WRN: variants seen among roughly 807,000 people sequenced by gnomAD.
WRN encodes the protein WRN RecQ like helicase, also known as bifunctional 3'-5' exonuclease/ATP-dependent helicase WRN.
In WRN, 149 loss-of-function variants were observed where a neutral mutation model predicts 180.7. The observed-to-expected ratio is 0.82, with a 90% CI of 0.72 to 0.94. The LOEUF (loss-of-function observed/expected upper bound fraction) is 0.94. WRN is among the 40% of genes least tolerant of loss of function. The pLI is 0.00. For missense variants in WRN, 1,661 were observed against 1,700.1 expected (o/e 0.98, Z 0.40); for synonymous variants, 548 against 568.9 (o/e 0.96, Z 0.52).
chr8:31,079,892 T>G (rs562310568), intron 8 of WRN, among the ~76,000 whole-genome samples: 39 of 152,236 alleles, frequency 2.6e-4, no homozygotes, highest in Non-Finnish European at 5.0e-4. Context: ...TTTTTTTTTT[T>G]GAAACAGAGT....
rs749180567 is a variant in WRN, at chr8:31,124,525, CCTT to C, written c.2638_2640del (p.Leu880del). On this transcript the variant is annotated inframe_deletion, in exon 22 of 35. Coordinates refer to ENST00000298139, the MANE Select transcript of WRN (RefSeq NM_000553.6). Reference sequence around the variant, plus strand: ...CTGTGATGTTTTTAATCGACAGGCACCTTCTTACTGAGATACGTAATGAGAAGT... The same window carrying C: ...CTGTGATGTTTTTAATCGACAGGCACCTTACTGAGATACGTAATGAGAAGT... The C allele has an allele frequency of 1.1e-5, 17 of 1,610,998 alleles. No homozygotes were observed. Among genetic ancestry groups the C allele is most frequent in the Middle Eastern group, 3.3e-4 (2 of 6,034 alleles).
At position 31,124,576 on chromosome 8, in the gene WRN, G is replaced by C. The variant is rs1801846868; in HGVS notation, c.2685G>C (p.Met895Ile). The C allele has an allele frequency of 6.2e-7, 1 of 1,612,844 alleles. No homozygotes were observed. Among genetic ancestry groups the C allele is most frequent in the Non-Finnish European group, 8.5e-7 (1 of 1,179,188 alleles). ...AGTTTCGATTATACAAATTAAAGAT[G>C]ATGGCAAAGATGGAAAAATATCTTC... ...NEKFRLYKLK[M>I]MAKMEKYLHS... is the part of the protein sequence containing the mutation. Residue 895 changes from methionine to isoleucine, a missense_variant, in exon 22 of 35, where the codon ATG (methionine) becomes ATC (isoleucine). This residue lies in a region of WRN where 1,141 missense variants were observed against 1,149.4 expected (regional missense o/e 0.99). Transcript: ENST00000298139.
intron 12 of WRN, 95 bp from the exon 13 acceptor site, chr8:31,088,795 T>G: frequency 1.9e-6 from 2 of 1,029,358 alleles, no homozygotes; most frequent in Non-Finnish European, 2.9e-6. Flanking sequence ...GCTGTCACTG[T>G]ATTCTTTCAA....
At chr8:31,135,351 G>C (rs1802358915) in intron 24 of WRN, among the ~76,000 whole-genome samples, 1 of 152,056 alleles carries the variant, frequency 6.6e-6, no homozygotes, top group Non-Finnish European at 1.5e-5. Context: ...GCCAGGCTGA[G>C]TTTAAAATTT....
At chr8:31,068,208 T>C (rs1421061014) in intron 6 of WRN, 50 bp from the exon 7 acceptor site, 4 of 1,386,440 alleles carry the variant, frequency 2.9e-6, no homozygotes, top group South Asian at 1.2e-5. Flanking sequence ...CTTACTGTTT[T>C]ATTTCGGTGA....
intron 13 of WRN, among the ~76,000 whole-genome samples, chr8:31,089,791 A>G (rs1164502884): frequency 6.6e-6 from 1 of 151,974 alleles, no homozygotes; most frequent in East Asian, 1.9e-4. Context: ...GCATGTCTGT[A>G]TTCCCACCAC....
chr8:31,116,450 C>T lies in WRN; in HGVS notation c.2370C>T (p.Ser790=), dbSNP rs753030891. The T allele has an allele frequency of 6.2e-7, 1 of 1,614,000 alleles. No homozygotes were observed. Among genetic ancestry groups the T allele is most frequent in the South Asian group, 1.1e-5 (1 of 91,070 alleles). Residue 790 remains serine (S), a synonymous_variant, in exon 20 of 35, where the codon TCC becomes TCT. Coordinates refer to ENST00000298139, the MANE Select transcript of WRN (RefSeq NM_000553.6). ...VTGELRKLNL[S]CGTYHAGMSF... ...GTGAACTTAGGAAACTGAATCTATC[C>T]TGTGGAACATACCATGCGGGCATGA...
intron 14 of WRN, 115 bp downstream of exon 14, chr8:31,090,647 A>G: frequency 8.4e-7 from 1 of 1,195,896 alleles, no homozygotes; most frequent in Non-Finnish European, 1.2e-6. Flanking sequence ...AATGATGTAA[A>G]CTATAGAAGA....
chr8:31,150,347 T>A lies in WRN; in HGVS notation c.3579T>A (p.Thr1193=). The change falls in exon 31 of 35, where the codon ACT becomes ACA. Residue 1193 remains threonine, a synonymous_variant. Coordinates refer to ENST00000298139, the MANE Select transcript of WRN (RefSeq NM_000553.6). ...ILVDMAKMRP[T]TVENVKRIDG... The stretch of plus-strand genomic sequence containing the variant: ...TTGTTGTTGTTAAACACAGACCAAC[T>A]ACGGTTGAAAACGTAAAAAGGATTG... 6.2e-7 allele frequency: 1 copy of A among 1,614,070 alleles called. No homozygotes were observed. Among genetic ancestry groups the A allele is most frequent in the Non-Finnish European group, 8.5e-7 (1 of 1,179,922 alleles).
chr8:31,048,608 T>A (rs1481409501), intron 1 of WRN, among the ~76,000 whole-genome samples: 1 of 152,186 alleles, frequency 6.6e-6, no homozygotes, highest in Non-Finnish European at 1.5e-5. Flanking sequence ...AGGTTACATT[T>A]TCAGAAAATA....
At chr8:31,043,753 A>G (rs770354969) in intron 1 of WRN, among the ~76,000 whole-genome samples, 1 of 152,144 alleles carries the variant, frequency 6.6e-6, no homozygotes, top group Non-Finnish European at 1.5e-5. Context: ...TTACTGAGAA[A>G]CAAACTATCG....
intron 29 of WRN, 30 bp from the exon 30 acceptor site, chr8:31,147,334 A>G: frequency 6.3e-7 from 1 of 1,596,390 alleles, no homozygotes. Flanking sequence ...GTACACTTTA[A>G]AAAGTGTTGT....
Position 31,132,476 on chromosome 8 carries a change from T to G in WRN, c.2937T>G (p.Ile979Met), listed in dbSNP as rs147802438. 3.0e-4 allele frequency: 479 copies of G among 1,614,188 alleles called. 3 individuals are homozygous for G. In the African/African-American group the frequency reaches 5.4e-3, roughly 18 times the overall value. ...ACATCTTAGGCGAAAAATTTGGAATTGGGCTTCCAATTTTATTTCTCCGAG... is the reference window on the plus strand; with the variant it reads ...ACATCTTAGGCGAAAAATTTGGAATGGGGCTTCCAATTTTATTTCTCCGAG... ...AVDILGEKFG[I>M]GLPILFLRGS... Residue 979 changes from isoleucine (I) to methionine (M), a missense_variant, in exon 24 of 35, where the codon ATT (isoleucine) becomes ATG (methionine). Ile to Met is a conservative substitution (Grantham distance 10, BLOSUM62 1). Around this residue, in one of 3 missense-constraint regions of WRN, gnomAD observed 1,141 missense variants for 1,149.4 expected, o/e 0.99. Coordinates refer to ENST00000298139, the MANE Select transcript of WRN (RefSeq NM_000553.6).
chr8:31,087,548 T>G, intron 11 of WRN: 3 of 475,306 alleles, frequency 6.3e-6, no homozygotes, highest in Non-Finnish European at 7.7e-6. Flanking sequence ...ATGCTATTAA[T>G]GAGCCTTGTT....
At position 31,088,828 on chromosome 8, in the gene WRN, T is replaced by C; in HGVS notation, c.1577-62T>C. 2.2e-6 allele frequency: 3 copies of C among 1,369,372 alleles called. 1 individual carries two copies. The South Asian group carries it at 3.7e-5, about 17-fold the overall frequency. The allele number at this position is 1,369,372 out of a possible 1,614,324, so 84.8% of individuals were successfully genotyped here. A position where few individuals can be genotyped will look rare whatever the true frequency, so the allele number is the denominator to read the frequency against. On this transcript the variant is annotated intron_variant, in intron 12 of 34. Coordinates refer to ENST00000298139, the MANE Select transcript of WRN (RefSeq NM_000553.6). Reference sequence around the variant, plus strand: ...CAAAGAAGCCAATGAAATAAACTGTTTTCTCCCTCTATGTGGTGTTTTTCT... The same window carrying C: ...CAAAGAAGCCAATGAAATAAACTGTCTTCTCCCTCTATGTGGTGTTTTTCT...
intron 1 of WRN, among the ~76,000 whole-genome samples, chr8:31,036,615 G>A (rs570427855): frequency 7.4e-4 from 112 of 152,240 alleles, no homozygotes; most frequent in Non-Finnish European, 1.3e-3. Context: ...GATGAGCAAT[G>A]TTTCATATAC....
At chr8:31,102,732 A>G (rs984943685) in intron 18 of WRN, among the ~76,000 whole-genome samples, 34 of 152,304 alleles carry the variant, frequency 2.2e-4, no homozygotes, top group African/African-American at 8.2e-4. Context: ...GAGTGAATGT[A>G]AAGGCCTAGG....
At chr8:31,087,942 A>C in intron 12 of WRN, 22 bp downstream of exon 12, 3 of 1,608,672 alleles carry the variant, frequency 1.9e-6, no homozygotes, top group Non-Finnish European at 2.5e-6. Flanking sequence ...AGTATGTTTG[A>C]AATGACTCAC....
chr8:31,041,639 A>T (rs531339981), intron 1 of WRN, among the ~76,000 whole-genome samples: 58 of 152,342 alleles, frequency 3.8e-4, no homozygotes, highest in Non-Finnish European at 7.9e-4. Flanking sequence ...CGGAAGCAAG[A>T]TCATCAGCTA....
Sources: gnomAD v4.1 joint callset for allele counts (sites outside exome capture counted in the v4.1 genomes callset) on GRCh38, gnomAD v4.1.1 for gene constraint, gnomAD v4.1.1 regional missense constraint, MANE v1.5 for transcripts, NCBI Gene and HGNC (gene_info 2026-07-23, HGNC 2026-07-21) for gene names.